The following UBL5 variants were observed in gnomAD, a reference collection of about 807,000 sequenced individuals.
UBL5 encodes the protein ubiquitin like 5, also known as ubiquitin-like protein 5.
Under a neutral mutation model 11.7 loss-of-function variants are expected in UBL5, and 13 were observed. The ratio of observed to expected loss-of-function variants is 1.11; its 90% confidence interval spans 0.73 to 1.77. The LOEUF is 1.77. UBL5 is among the 40% of genes most tolerant of loss of function. The pLI, the probability that UBL5 is intolerant of heterozygous loss-of-function variation, is 0.00. For synonymous variants in UBL5, 28 were observed against 34.7 expected, an observed-to-expected ratio of 0.81 and a Z score of 0.68; for missense variants, 58 against 92.3, an observed-to-expected ratio of 0.63 and a Z score of 1.52.
intron 4 of UBL5, chr19:9,829,111 CAGT>C: frequency 6.9e-6 from 4 of 582,380 alleles, no homozygotes; most frequent in Non-Finnish European, 1.2e-5. Flanking sequence ...GAGTGCTGGA[CAGT>C]AGGTCAGGGT....
chr19:9,828,910 A>T (rs778811871), intron 4 of UBL5, 36 bp downstream of exon 4: 2 of 1,606,894 alleles, frequency 1.2e-6, no homozygotes, highest in African/African-American at 2.7e-5. Context: ...AAGCATCTAC[A>T]TACCCAGCCT....
At position 9,828,408 on chromosome 19, in the gene UBL5, C is replaced by T. The variant is rs1568354577; in HGVS notation, c.56+15C>T. ...GTTAAATGCAAGTATCCACTGGCAG[C>T]CGAGAGGCAGTGGTACCCGCAGGGG... On this transcript the variant is annotated intron_variant, in intron 2 of 4. Coordinates refer to ENST00000586895, the MANE Select transcript of UBL5 (RefSeq NM_001048241.3). 18 of 1,613,836 alleles carry T rather than the reference C, an allele frequency of 1.1e-5. No homozygotes were observed. Among genetic ancestry groups the T allele is most frequent in the Non-Finnish European group, 1.4e-5 (17 of 1,179,900 alleles).
At chr19:9,828,009 C>A in intron 1 of UBL5, 25 bp downstream of exon 1, 1 of 450,384 alleles carries the variant, frequency 2.2e-6, no homozygotes. Context: ...CGGAGAGGCT[C>A]GGAGTCGGAG....
chr19:9,829,680 A>G (rs771130410), intron 4 of UBL5: 10 of 348,110 alleles, frequency 2.9e-5, no homozygotes, highest in Non-Finnish European at 4.8e-5. Context: ...TATTTTTAGT[A>G]GAGACAGGGT....
intron 1 of UBL5, 42 bp from the exon 2 acceptor site, chr19:9,828,285 C>A: frequency 6.3e-7 from 1 of 1,595,192 alleles, no homozygotes; most frequent in Non-Finnish European, 8.6e-7. Flanking sequence ...ACGCCTGAAG[C>A]TCTGACTTTG....
At position 9,828,605 on chromosome 19, in the gene UBL5, A is replaced by G. The variant is rs1338213024; in HGVS notation, c.70A>G (p.Ile24Val). Residue 24 changes from isoleucine to valine, a missense_variant, in exon 3 of 5, where the codon ATC becomes GTC. Physicochemically the swap from Ile to Val is conservative, Grantham distance 29. Coordinates refer to ENST00000586895, the MANE Select transcript of UBL5 (RefSeq NM_001048241.3). ...VRVKCNTDDT[I>V]GDLKKLIAAQ... ...CTCTGCGCCCAGCACGGATGATACCATCGGGGACCTTAAGAAGCTGATTGC... is the reference window on the plus strand; with the variant it reads ...CTCTGCGCCCAGCACGGATGATACCGTCGGGGACCTTAAGAAGCTGATTGC... The G allele has an allele frequency of 1.9e-6, 3 of 1,614,212 alleles. No individual in the cohort carries two copies. The highest frequency in any genetic ancestry group is 2.5e-6 in the Non-Finnish European group (3 of 1,180,042).
rs765734416 is a variant in UBL5 at position 9,828,645 on chromosome 19, C to T, written c.110C>T (p.Thr37Ile). The T allele has an allele frequency of 6.2e-7, 1 of 1,614,186 alleles. No individual in the cohort carries two copies. Residue 37 changes from threonine (T) to isoleucine (I), a missense_variant, in exon 3 of 5, where the codon ACC (threonine) becomes ATC (isoleucine). Thr to Ile is a moderately conservative substitution (Grantham distance 89, BLOSUM62 -1). Transcript: ENST00000586895. ...AAGCTGATTGCAGCCCAAACTGGTA[C>T]CCGTTGGAACAAGATTGTCCTGAAG... ...LKKLIAAQTG[T>I]RWNKIVLKKW...
intron 1 of UBL5, 26 bp from the exon 2 acceptor site, chr19:9,828,301 T>TAC: frequency 5.0e-6 from 8 of 1,597,582 alleles, no homozygotes; most frequent in Non-Finnish European, 6.9e-6. Context: ...CTTTGCTGCC[T>TAC]CCCACCCACC....
At position 9,829,926 on chromosome 19, in the gene UBL5, G is replaced by A. The variant is rs7259897; in HGVS notation, c.179-39G>A. ...GTGAATGGATGAGAGGGGTGGGGACGGAAGTCAGAGTCAGGATTCCTTAAC... is the reference window on the plus strand; with the variant it reads ...GTGAATGGATGAGAGGGGTGGGGACAGAAGTCAGAGTCAGGATTCCTTAAC... On this transcript the variant is annotated intron_variant, in intron 4 of 4. Coordinates refer to ENST00000586895, the MANE Select transcript of UBL5 (RefSeq NM_001048241.3). The A allele has an allele frequency of 1.4e-3, 2,334 of 1,613,338 alleles. 37 individuals carry two copies. The African/African-American group carries it at 0.025, about 17-fold the overall frequency.
At chr19:9,828,905 T>G (rs757236501) in intron 4 of UBL5, 31 bp downstream of exon 4, 29 of 1,610,318 alleles carry the variant, frequency 1.8e-5, no homozygotes, top group Non-Finnish European at 2.5e-5. Flanking sequence ...TGAGGAAGCA[T>G]CTACATACCC....
Position 9,828,734 on chromosome 19 carries a change from G to T in UBL5, c.140+59G>T. 1.9e-6 allele frequency: 3 copies of T among 1,612,770 alleles called. No individual in the cohort carries two copies. The South Asian group carries it at 3.3e-5, about 18-fold the overall frequency. ...GACTAGGCCGGAAGGTTTTGGTTGGGGGAGCGCTGCAGGCAGCCCTTTGCT... is the reference window on the plus strand; with the variant it reads ...GACTAGGCCGGAAGGTTTTGGTTGGTGGAGCGCTGCAGGCAGCCCTTTGCT... On this transcript the variant is annotated intron_variant, in intron 3 of 4. Transcript: ENST00000586895.
rs750878835 is a variant in UBL5, at chr19:9,828,648, G to A, written c.113G>A (p.Arg38His). 50 of 1,614,084 alleles carry A rather than the reference G, an allele frequency of 3.1e-5. No homozygotes were observed. In the Admixed American group the frequency reaches 7.7e-4, roughly 25 times the overall value. ...CTGATTGCAGCCCAAACTGGTACCC[G>A]TTGGAACAAGATTGTCCTGAAGAAG... is the stretch of plus-strand genomic sequence containing the variant. ...KKLIAAQTGT[R>H]WNKIVLKKWY... is the part of the protein sequence containing the mutation. The change falls in exon 3 of 5, where the codon CGT becomes CAT. Residue 38 changes from arginine (R) to histidine (H), a missense_variant. Transcript: ENST00000586895.
In UBL5 at chr19:9,829,224, C is replaced by T. The variant is rs2046042191; in HGVS notation, c.178+350C>T. ...TTTTTGAGACAGTCTGGCTCTGTCG[C>T]CCAGGCTGGAGTGCAGTGGCACGAT... On this transcript the variant is annotated intron_variant, in intron 4 of 4. Coordinates refer to ENST00000586895, the MANE Select transcript of UBL5 (RefSeq NM_001048241.3). The T allele has an allele frequency of 1.7e-5, 4 of 232,886 alleles. No individual in the cohort carries two copies. The South Asian group carries it at 2.4e-4, about 14-fold the overall frequency. The allele number at this position is 232,886 out of a possible 1,614,324, so 14.4% of individuals were successfully genotyped here.
At chr19:9,828,301 T>A in intron 1 of UBL5, 26 bp from the exon 2 acceptor site, 1 of 1,597,586 alleles carries the variant, frequency 6.3e-7, no homozygotes, top group Non-Finnish European at 8.6e-7. Context: ...CTTTGCTGCC[T>A]CCCACCCACC....
At position 9,827,953 on chromosome 19, in the gene UBL5, T is replaced by C. The variant is rs1176064928; in HGVS notation, c.-43T>C. The C allele has an allele frequency of 9.4e-6, 3 of 320,770 alleles. No individual in the cohort carries two copies. Among genetic ancestry groups the C allele is most frequent in the South Asian group, 3.5e-5 (1 of 28,466 alleles). The allele number at this position is 320,770 out of a possible 1,614,324, so 19.9% of individuals were successfully genotyped here. On this transcript the variant is annotated 5_prime_UTR_variant, in exon 1 of 5. Coordinates refer to ENST00000586895, the MANE Select transcript of UBL5 (RefSeq NM_001048241.3). ...GGGGTTCAGCGCTCGGGTGAGGAGCTGGTGGCGTCGGCAGGTTCGAGGCGA... is the reference window on the plus strand; with the variant it reads ...GGGGTTCAGCGCTCGGGTGAGGAGCCGGTGGCGTCGGCAGGTTCGAGGCGA...
chr19:9,829,847 C>A (rs2046045966), intron 4 of UBL5, 118 bp from the exon 5 acceptor site: 1 of 1,162,038 alleles, frequency 8.6e-7, no homozygotes, highest in South Asian at 1.4e-5. Context: ...ATGGCCTGGT[C>A]CAAAATGGGC....
Position 9,828,416 on chromosome 19 carries a change from C to T in UBL5, c.56+23C>T, listed in dbSNP as rs10413737. On this transcript the variant is annotated intron_variant, in intron 2 of 4. Coordinates refer to ENST00000586895, the MANE Select transcript of UBL5 (RefSeq NM_001048241.3). ...CAAGTATCCACTGGCAGCCGAGAGGCAGTGGTACCCGCAGGGGTGCTTGGC... is the reference window on the plus strand; with the variant it reads ...CAAGTATCCACTGGCAGCCGAGAGGTAGTGGTACCCGCAGGGGTGCTTGGC... 6,302 of 1,613,960 alleles carry T rather than the reference C, an allele frequency of 3.9e-3. 170 individuals are homozygous for T. In the African/African-American group the frequency reaches 0.07, roughly 18 times the overall value.
rs2046038338 is a variant in UBL5 at position 9,828,582 on chromosome 19, C to T, written c.57-10C>T. 3 of 1,614,200 alleles carry T rather than the reference C, an allele frequency of 1.9e-6. No individual in the cohort carries two copies. Among genetic ancestry groups the T allele is most frequent in the Non-Finnish European group, 2.5e-6 (3 of 1,180,030 alleles). ...ACCGCTTCCATTTGCCTTAACTGCT[C>T]TGCGCCCAGCACGGATGATACCATC... On this transcript the variant is annotated splice_polypyrimidine_tract_variant and intron_variant, in intron 2 of 4. Coordinates refer to ENST00000586895, the MANE Select transcript of UBL5 (RefSeq NM_001048241.3).
chr19:9,827,943 G>C lies in UBL5; in HGVS notation c.-53G>C, dbSNP rs1056880176. On this transcript the variant is annotated 5_prime_UTR_variant, in exon 1 of 5. Coordinates refer to ENST00000586895, the MANE Select transcript of UBL5 (RefSeq NM_001048241.3). ...AACTGCGACCGGGGTTCAGCGCTCG[G>C]GTGAGGAGCTGGTGGCGTCGGCAGG... 9.6e-6 allele frequency: 3 copies of C among 311,606 alleles called. No individual in the cohort carries two copies. Among genetic ancestry groups the C allele is most frequent in the Non-Finnish European group, 1.8e-5 (3 of 163,136 alleles). The allele number at this position is 311,606 out of a possible 1,614,324, so 19.3% of individuals were successfully genotyped here.
Sources: allele counts gnomAD v4.1 joint callset, GRCh38; gene constraint gnomAD v4.1.1; transcripts MANE v1.5; gene names NCBI Gene and HGNC (gene_info 2026-07-23, HGNC 2026-07-21).